DOCK3: variants seen among roughly 807,000 people sequenced by gnomAD.
The protein encoded by DOCK3 is dedicator of cytokinesis protein 3.
DOCK3 carries 60 observed loss-of-function variants against 265.6 expected under a neutral mutation model. The observed-to-expected ratio is 0.23, with a 90% confidence interval of 0.18 to 0.28. DOCK3 has a LOEUF of 0.28. Among genes scored for constraint, DOCK3 ranks in the 10% least tolerant of loss-of-function variants. The probability of loss-of-function intolerance (pLI) is 1.00; values close to 1 mark genes in which losing one functional copy is unlikely to be tolerated. For synonymous variants in DOCK3, 881 were observed against 938.0 expected (o/e 0.94, Z 1.11); for missense variants, 1,981 against 2,594.3 (o/e 0.76, Z 5.14).
chr3:50,907,261 T>C (rs1017679282), intron 4 of DOCK3, among the ~76,000 whole-genome samples: 4 of 152,176 alleles, frequency 2.6e-5, no homozygotes, highest in Non-Finnish European at 5.9e-5. Context: ...GTTAGATGTC[T>C]ATTAAGTCTG....
intron 27 of DOCK3, among the ~76,000 whole-genome samples, chr3:51,305,834 C>T (rs1278933557): frequency 5.3e-4 from 27 of 50,566 alleles, no homozygotes; most frequent in South Asian, 2.4e-3. Context: ...ATTTCTTCTT[C>T]TTTTTTTTTT....
chr3:50,689,116 A>G (rs1246432543), intron 1 of DOCK3, among the ~76,000 whole-genome samples: 1 of 152,190 alleles, frequency 6.6e-6, no homozygotes, highest in Admixed American at 6.5e-5. Context: ...CTTAATTGTC[A>G]CTTGCCACTC....
intron 40 of DOCK3, among the ~76,000 whole-genome samples, chr3:51,353,105 T>C (rs865974176): frequency 1.4e-4 from 21 of 152,318 alleles, no homozygotes; most frequent in Middle Eastern, 3.4e-3. Flanking sequence ...GAACAGACGT[T>C]GATGAGGGTT....
At chr3:51,330,367 C>T (rs1240557073) in intron 33 of DOCK3, 144 bp downstream of exon 33, 3 of 618,320 alleles carry the variant, frequency 4.9e-6, no homozygotes, top group Non-Finnish European at 8.1e-6. Context: ...TAGCAATGCT[C>T]AACTTCTGTC....
chr3:50,788,121 C>T, intron 2 of DOCK3: 1 of 765,550 alleles, frequency 1.3e-6, no homozygotes, highest in African/African-American at 1.8e-5. Context: ...TAAGGACTTC[C>T]TGGTTCCCTT....
chr3:51,030,391 C>G (rs1367083356), intron 5 of DOCK3, among the ~76,000 whole-genome samples: 1 of 152,138 alleles, frequency 6.6e-6, no homozygotes, highest in Non-Finnish European at 1.5e-5. Flanking sequence ...TCCTCTTCCC[C>G]TATAGAGTGC....
intron 1 of DOCK3, among the ~76,000 whole-genome samples, chr3:50,776,709 C>G (rs1233186900): frequency 1.3e-5 from 2 of 151,962 alleles, no homozygotes; most frequent in Non-Finnish European, 2.9e-5. Context: ...GGTTTCAAGT[C>G]TTGGATTTAA....
intron 5 of DOCK3, among the ~76,000 whole-genome samples, chr3:51,012,456 G>T (rs2078990831): frequency 6.6e-6 from 1 of 152,202 alleles, no homozygotes; most frequent in Non-Finnish European, 1.5e-5. Flanking sequence ...CCAGGCACAG[G>T]ATATAATCTC....
chr3:50,901,937 A>G (rs2049225102), intron 4 of DOCK3, among the ~76,000 whole-genome samples: 2 of 152,172 alleles, frequency 1.3e-5, no homozygotes, highest in Non-Finnish European at 2.9e-5. Context: ...CCATAAAGAA[A>G]GAAAGCAGCT....
chr3:51,157,492 C>T (rs777466897), intron 10 of DOCK3, among the ~76,000 whole-genome samples: 22 of 152,180 alleles, frequency 1.4e-4, no homozygotes, highest in Admixed American at 7.2e-4. Flanking sequence ...GCGATCCTCC[C>T]ACCTCGGCCT....
chr3:50,924,851 G>A (rs2050678292), intron 4 of DOCK3, among the ~76,000 whole-genome samples: 1 of 152,310 alleles, frequency 6.6e-6, no homozygotes, highest in Admixed American at 6.5e-5. Flanking sequence ...ACAGGACACT[G>A]GGGACAATTA....
At chr3:51,198,890 G>T (rs932299394) in intron 12 of DOCK3, among the ~76,000 whole-genome samples, 2 of 152,112 alleles carry the variant, frequency 1.3e-5, no homozygotes, top group African/African-American at 4.8e-5. Flanking sequence ...TTAGCCAAGT[G>T]TGGCAGTGGG....
chr3:50,704,927 C>T (rs934271075), intron 1 of DOCK3, among the ~76,000 whole-genome samples: 1 of 152,002 alleles, frequency 6.6e-6, no homozygotes, highest in African/African-American at 2.4e-5. Flanking sequence ...CCACGCCCGG[C>T]CTCTATATCT....
Position 51,375,778 on chromosome 3 carries a change from C to T in DOCK3, c.5443C>T (p.Gln1815Ter). ...GAATTTCCAGCGAGCCCTGTTCCAGCAAGTGGTCGGAGCCTGCAAACCCTG... is the reference window on the plus strand; with the variant it reads ...GAATTTCCAGCGAGCCCTGTTCCAGTAAGTGGTCGGAGCCTGCAAACCCTG... ...PPNFQRALFQ[Q>*]VVGACKPCSD... The change falls in exon 51 of 53, where the codon CAA becomes TAA. Residue 1815 changes from glutamine (Q) to a stop codon, truncating the protein, a stop_gained. Transcript: ENST00000266037. LOFTEE classifies it high-confidence loss of function. 1 of 1,614,012 alleles carries T rather than the reference C, an allele frequency of 6.2e-7. No homozygotes were observed. The highest frequency in any genetic ancestry group is 1.1e-5 in the South Asian group (1 of 91,082).
chr3:50,864,573 C>T (rs1323654725), intron 3 of DOCK3, among the ~76,000 whole-genome samples: 2 of 151,714 alleles, frequency 1.3e-5, no homozygotes, highest in African/African-American at 4.8e-5. Flanking sequence ...TTTAATAGTG[C>T]CAGGTCTTAC....
At chr3:50,803,311 C>A (rs574333718) in intron 2 of DOCK3, among the ~76,000 whole-genome samples, 1 of 152,094 alleles carries the variant, frequency 6.6e-6, no homozygotes, top group Non-Finnish European at 1.5e-5. Flanking sequence ...ATCTGTTTAA[C>A]AAAGCACATC....
At chr3:51,102,700 A>G (rs1354907053) in intron 9 of DOCK3, among the ~76,000 whole-genome samples, 2 of 152,376 alleles carry the variant, frequency 1.3e-5, no homozygotes, top group African/African-American at 4.8e-5. Context: ...TTTGCAGTGC[A>G]TGGGAACCAG....
At position 50,837,290 on chromosome 3, in the gene DOCK3, A is replaced by G. The variant is rs1333555091; in HGVS notation, c.122-4385A>G. Among the ~76,000 whole-genome samples the G allele has an allele frequency of 2.6e-5, 4 of 152,222 alleles. No homozygotes were observed. In the East Asian group the frequency reaches 7.7e-4, roughly 29 times the overall value. On this transcript the variant is annotated intron_variant, in intron 2 of 52. Transcript: ENST00000266037. ...TGTATTAGTCTGTTCTCATGCTGCTATGAAGAAATACCCAAGACTGGGTAA... is the reference window on the plus strand; with the variant it reads ...TGTATTAGTCTGTTCTCATGCTGCTGTGAAGAAATACCCAAGACTGGGTAA...
chr3:50,716,820 G>C (rs1434239718), intron 1 of DOCK3, among the ~76,000 whole-genome samples: 1 of 151,770 alleles, frequency 6.6e-6, no homozygotes, highest in Non-Finnish European at 1.5e-5. Flanking sequence ...ACTAATAGAG[G>C]CTTAAAAATC....
Sources: allele counts gnomAD v4.1 joint callset (sites outside exome capture counted in the v4.1 genomes callset), GRCh38; gene constraint gnomAD v4.1.1; transcripts MANE v1.5; gene names NCBI Gene and HGNC (gene_info 2026-07-23, HGNC 2026-07-21).